Variants in NPAS3 observed in about 807,000 individuals in gnomAD.
The protein encoded by NPAS3 is neuronal PAS domain protein 3, also known as neuronal PAS domain-containing protein 3.
A neutral mutation model predicts 73.1 loss-of-function variants in NPAS3; 14 were observed. That is an observed-to-expected ratio of 0.19 (90% CI 0.13 to 0.30). NPAS3 has a LOEUF of 0.30. NPAS3 is among the 10% of genes least tolerant of loss of function. The pLI is 1.00. For missense variants in NPAS3, 1,096 were observed against 1,250.0 expected, an observed-to-expected ratio of 0.88 and a Z score of 1.86; for synonymous variants, 620 against 541.5, an observed-to-expected ratio of 1.14 and a Z score of -2.01.
At chr14:33,035,736 A>G (rs1202421877) in intron 1 of NPAS3, among the ~76,000 whole-genome samples, 1 of 152,216 alleles carries the variant, frequency 6.6e-6, no homozygotes, top group Non-Finnish European at 1.5e-5. Flanking sequence ...AAGGATAAAC[A>G]GACTTTCCAT....
At chr14:33,239,864 T>A in intron 3 of NPAS3, among the ~76,000 whole-genome samples, 1 of 72,774 alleles carries the variant, frequency 1.4e-5, no homozygotes, top group East Asian at 2.8e-4. Flanking sequence ...TTAGAAATAG[T>A]TTTTTTTTCA....
rs192354560 is a variant in NPAS3 at position 33,102,247 on chromosome 14, C to T, written c.140+46253C>T. Among the ~76,000 whole-genome samples, 70 of 152,182 alleles carry T rather than the reference C, an allele frequency of 4.6e-4. 2 individuals carry two copies. The highest frequency in any genetic ancestry group is 4.6e-3 in the Admixed American group (70 of 15,274). ...AGGCAAAAATTAGCTAGGGATAGAACAGAGTACACAAGTAAGGATTGATTT... is the reference window on the plus strand; with the variant it reads ...AGGCAAAAATTAGCTAGGGATAGAATAGAGTACACAAGTAAGGATTGATTT... On this transcript the variant is annotated intron_variant, in intron 2 of 11. Coordinates refer to ENST00000356141, the Ensembl canonical transcript of NPAS3.
At chr14:33,449,502 T>C (rs548738168) in intron 4 of NPAS3, among the ~76,000 whole-genome samples, 1 of 152,182 alleles carries the variant, frequency 6.6e-6, no homozygotes, top group African/African-American at 2.4e-5. Context: ...AGAAAGCGTT[T>C]TTTTGACCCC....
At chr14:33,199,951 C>G (rs898063518) in intron 2 of NPAS3, among the ~76,000 whole-genome samples, 2 of 152,000 alleles carry the variant, frequency 1.3e-5, no homozygotes, top group Admixed American at 6.5e-5. Flanking sequence ...CATTATTGCA[C>G]TAATAAAAAC....
At chr14:33,788,550 C>A (rs781274114) in intron 9 of NPAS3, among the ~76,000 whole-genome samples, 10 of 152,202 alleles carry the variant, frequency 6.6e-5, no homozygotes, top group Non-Finnish European at 1.5e-4. Flanking sequence ...AATTAGACTG[C>A]TTCCTTCTTC....
chr14:33,724,639 C>T (rs2061212907), intron 6 of NPAS3, among the ~76,000 whole-genome samples: 2 of 151,856 alleles, frequency 1.3e-5, no homozygotes, highest in East Asian at 1.9e-4. Context: ...ATCTCAAAAA[C>T]AACAAAAAAT....
At chr14:33,595,053 C>T (rs942360595) in intron 5 of NPAS3, among the ~76,000 whole-genome samples, 5 of 152,180 alleles carry the variant, frequency 3.3e-5, no homozygotes, top group African/African-American at 1.2e-4. Flanking sequence ...TTATGCCATG[C>T]AACTGATTAG....
chr14:33,456,126 G>A, intron 4 of NPAS3, among the ~76,000 whole-genome samples: 1 of 152,136 alleles, frequency 6.6e-6, no homozygotes, highest in African/African-American at 2.4e-5. Flanking sequence ...GGTTTAGGAA[G>A]GTTAAATCTG....
At chr14:33,120,918 T>C (rs2043209895) in intron 2 of NPAS3, among the ~76,000 whole-genome samples, 1 of 152,130 alleles carries the variant, frequency 6.6e-6, no homozygotes, top group South Asian at 2.1e-4. Flanking sequence ...TTAATTCACA[T>C]GCGCAAACTC....
chr14:33,745,222 C>A (rs1043801593), intron 7 of NPAS3, among the ~76,000 whole-genome samples: 2 of 152,218 alleles, frequency 1.3e-5, no homozygotes, highest in African/African-American at 4.8e-5. Context: ...GCACTCCAGC[C>A]TAGGTGACAG....
chr14:33,425,849 C>G (rs1013232467), intron 4 of NPAS3, among the ~76,000 whole-genome samples: 5 of 152,078 alleles, frequency 3.3e-5, no homozygotes, highest in Non-Finnish European at 7.4e-5. Flanking sequence ...GCAGCATCAG[C>G]ACCTCACGGG....
intron 3 of NPAS3, among the ~76,000 whole-genome samples, chr14:33,236,480 G>A (rs940956095): frequency 2.6e-5 from 4 of 152,122 alleles, no homozygotes; most frequent in East Asian, 1.9e-4. Context: ...TTCATGAAAC[G>A]TTTGTAATTT....
At chr14:33,682,248 G>A (rs896874891) in intron 6 of NPAS3, among the ~76,000 whole-genome samples, 1 of 152,192 alleles carries the variant, frequency 6.6e-6, no homozygotes, top group Non-Finnish European at 1.5e-5. Context: ...TACTGGGGCT[G>A]TAGCAATGAT....
intron 7 of NPAS3, among the ~76,000 whole-genome samples, chr14:33,751,720 G>A (rs1023684360): frequency 2.6e-5 from 4 of 152,054 alleles, no homozygotes; most frequent in Admixed American, 1.3e-4. Context: ...AATTTTATTT[G>A]TTCTTCAACT....
At chr14:33,722,264 CA>C (rs1163889000) in intron 6 of NPAS3, among the ~76,000 whole-genome samples, 3 of 152,104 alleles carry the variant, frequency 2.0e-5, no homozygotes, top group Non-Finnish European at 1.5e-5. Context: ...TTAATATCAA[CA>C]AATTTGTTTT....
intron 4 of NPAS3, among the ~76,000 whole-genome samples, chr14:33,452,629 G>A (rs1186004782): frequency 1.3e-5 from 2 of 151,914 alleles, no homozygotes; most frequent in African/African-American, 4.8e-5. Flanking sequence ...AAAAAAATTA[G>A]CCAGGCATGA....
rs140688631 is a variant in NPAS3, at chr14:33,001,895, G to T, written c.51-54010G>T. Among the ~76,000 whole-genome samples, 76 of 152,190 alleles carry T rather than the reference G, an allele frequency of 5.0e-4. 2 individuals carry two copies. In the Middle Eastern group the frequency reaches 0.01, roughly 20 times the overall value. On this transcript the variant is annotated intron_variant, in intron 1 of 11. Transcript: ENST00000356141. Reference sequence around the variant, plus strand: ...GTACCTAAAGAATCACTGTTCCCTAGCCTCACCTCCTTCCTACCCTCATTT... The same window carrying T: ...GTACCTAAAGAATCACTGTTCCCTATCCTCACCTCCTTCCTACCCTCATTT...
At chr14:33,062,289 T>C (rs2041133296) in intron 2 of NPAS3, among the ~76,000 whole-genome samples, 1 of 142,178 alleles carries the variant, frequency 7.0e-6, no homozygotes, top group East Asian at 2.0e-4. Flanking sequence ...TTCCCACCTA[T>C]GAAAAAAAAA....
intron 3 of NPAS3, among the ~76,000 whole-genome samples, chr14:33,348,812 G>A (rs912906024): frequency 1.3e-5 from 2 of 152,150 alleles, no homozygotes; most frequent in Non-Finnish European, 2.9e-5. Flanking sequence ...CTTGTCATTA[G>A]GGATGTCGCA....
Sources: allele counts gnomAD v4.1 joint callset (sites outside exome capture counted in the v4.1 genomes callset), GRCh38; gene constraint gnomAD v4.1.1; transcripts MANE v1.5; gene names NCBI Gene and HGNC (gene_info 2026-07-23, HGNC 2026-07-21).